Variants in PCDHGA7 observed in about 807,000 individuals in gnomAD.
The protein encoded by PCDHGA7 is protocadherin gamma-A7.
A neutral mutation model predicts 58.3 loss-of-function variants in PCDHGA7; 44 were observed. That is an observed-to-expected ratio of 0.75 (90% confidence interval 0.59 to 0.97). The LOEUF is 0.97. PCDHGA7 is among the 50% of genes least tolerant of loss of function. The pLI is 0.00. For synonymous variants in PCDHGA7, 516 were observed against 504.2 expected (o/e 1.02, Z -0.31); for missense variants, 1,266 against 1,188.7 (o/e 1.06, Z -0.96).
Position 141,405,152 on chromosome 5 carries a change from G to T in PCDHGA7, c.2424+19829G>T, listed in dbSNP as rs550773622. Reference sequence around the variant, plus strand: ...GCGGGCTACCAGTGATGGGTTGGCTGGTGTGCCCACCTCACACTTTGTGGG... The same window carrying T: ...GCGGGCTACCAGTGATGGGTTGGCTTGTGTGCCCACCTCACACTTTGTGGG... On this transcript the variant is annotated intron_variant, in intron 1 of 3. Transcript: ENST00000518325. 180 of 1,613,896 alleles carry T rather than the reference G, an allele frequency of 1.1e-4. 1 individual carries two copies. In the South Asian group the frequency reaches 1.9e-3, roughly 17 times the overall value.
chr5:141,410,295 T>C (rs1043971768), intron 1 of PCDHGA7: 2 of 1,613,982 alleles, frequency 1.2e-6, no homozygotes, highest in East Asian at 2.2e-5. Context: ...GCCTTGGCCT[T>C]AATCTCAGTG....
intron 1 of PCDHGA7, chr5:141,427,278 A>G (rs981860450): frequency 2.2e-6 from 1 of 456,706 alleles, no homozygotes; most frequent in Non-Finnish European, 4.4e-6. Context: ...ATGTAAAATT[A>G]TACTAGAAAT....
At position 141,498,660 on chromosome 5, in the gene PCDHGA7, G is replaced by A. The variant is rs969314533; in HGVS notation, c.2483+3795G>A. Among the ~76,000 whole-genome samples, 11 of 152,192 alleles carry A rather than the reference G, an allele frequency of 7.2e-5. No homozygotes were observed. In the East Asian group the frequency reaches 9.6e-4, roughly 13 times the overall value. ...GAAGGAAGAAGACCTGGCCAGGTGT[G>A]GTGGCTCACGCCTGTAATCCCAGCA... is the stretch of plus-strand genomic sequence containing the variant. On this transcript the variant is annotated intron_variant, in intron 2 of 3. Coordinates refer to ENST00000518325, the MANE Select transcript of PCDHGA7 (RefSeq NM_018920.4).
intron 1 of PCDHGA7, among the ~76,000 whole-genome samples, chr5:141,436,557 A>G (rs1224841336): frequency 6.6e-6 from 1 of 152,218 alleles, no homozygotes; most frequent in Non-Finnish European, 1.5e-5. Flanking sequence ...GAGCTTCAGC[A>G]AAGTAGGAAT....
At chr5:141,502,309 T>G (rs1395136136) in intron 2 of PCDHGA7, among the ~76,000 whole-genome samples, 2 of 152,196 alleles carry the variant, frequency 1.3e-5, no homozygotes, top group Admixed American at 6.5e-5. Flanking sequence ...TTTCCTCTCC[T>G]TTAATCTGGA....
Position 141,494,855 on chromosome 5 carries a change from G to A in PCDHGA7, c.2473G>A (p.Gly825Ser), listed in dbSNP as rs200418116. The A allele has an allele frequency of 4.8e-4, 774 of 1,614,092 alleles. 7 individuals carry two copies. The South Asian group carries it at 5.1e-3, about 11-fold the overall frequency. ...GCGTTTCTCTCAGGCCCAGAGACCC[G>A]GCACCAGCGGGTAGGTGACTGATTC... is the stretch of plus-strand genomic sequence containing the variant. ...DWRFSQAQRP[G>S]TSGSQNGDDT... Residue 825 changes from glycine (G) to serine (S), a missense_variant, in exon 2 of 4, where the codon GGC becomes AGC. Coordinates refer to ENST00000518325, the MANE Select transcript of PCDHGA7 (RefSeq NM_018920.4).
chr5:141,397,194 A>G (rs1362793784), intron 1 of PCDHGA7, among the ~76,000 whole-genome samples: 1 of 152,240 alleles, frequency 6.6e-6, no homozygotes, highest in Admixed American at 6.5e-5. Flanking sequence ...GTACTGTAAA[A>G]GATATGACAT....
chr5:141,385,360 T>C, intron 1 of PCDHGA7, 37 bp downstream of exon 1: 1 of 1,545,774 alleles, frequency 6.5e-7, no homozygotes, highest in South Asian at 1.3e-5. Context: ...ATGAGGAATT[T>C]ATTTGCATGA....
intron 1 of PCDHGA7, chr5:141,442,416 T>A (rs2098323395): frequency 6.6e-6 from 1 of 152,206 alleles, no homozygotes; most frequent in Non-Finnish European, 1.5e-5. Flanking sequence ...CTGAGTGAAC[T>A]TCTTTTTTGA....
intron 1 of PCDHGA7, chr5:141,410,275 C>A: frequency 6.2e-7 from 1 of 1,614,038 alleles, no homozygotes; most frequent in Non-Finnish European, 8.5e-7. Context: ...TGCAGTTTTA[C>A]CTGGTGGTGG....
rs139211149 is a variant in PCDHGA7, at chr5:141,426,067, G to A, written c.2424+40744G>A. Among the ~76,000 whole-genome samples, 5 of 152,328 alleles carry A rather than the reference G, an allele frequency of 3.3e-5. No individual in the cohort carries two copies. The East Asian group carries it at 9.6e-4, about 29-fold the overall frequency. On this transcript the variant is annotated intron_variant, in intron 1 of 3. Coordinates refer to ENST00000518325, the MANE Select transcript of PCDHGA7 (RefSeq NM_018920.4). Reference sequence around the variant, plus strand: ...TGGCCAATGTGCTGCAAGAACTGGAGCCTGGGATCTACCAGGACGATATTC... The same window carrying A: ...TGGCCAATGTGCTGCAAGAACTGGAACCTGGGATCTACCAGGACGATATTC...
chr5:141,428,114 C>T (rs2097111703), intron 1 of PCDHGA7: 1 of 1,607,084 alleles, frequency 6.2e-7, no homozygotes, highest in Admixed American at 1.7e-5. Context: ...TGCAGGCCAT[C>T]GAGCCCGGGC....
chr5:141,410,068 C>T (rs2095353806), intron 1 of PCDHGA7: 1 of 1,612,832 alleles, frequency 6.2e-7, no homozygotes, highest in Non-Finnish European at 8.5e-7. Context: ...TGGGGCTGCG[C>T]ACTGGGGAGG....
chr5:141,421,424 G>T lies in PCDHGA7; in HGVS notation c.2424+36101G>T, dbSNP rs369037131. 2.2e-5 allele frequency: 35 copies of T among 1,613,974 alleles called. No individual in the cohort carries two copies. The African/African-American group carries it at 3.9e-4, about 18-fold the overall frequency. ...CGGGAGCTGGCGAAGCGCGGAGTCC[G>T]CATCGTCTCCAGAGGGAAGACACAG... is the stretch of plus-strand genomic sequence containing the variant. On this transcript the variant is annotated intron_variant, in intron 1 of 3. Transcript: ENST00000518325.
Position 141,389,309 on chromosome 5 carries a change from T to G in PCDHGA7, c.2424+3986T>G, listed in dbSNP as rs763262842. Reference sequence around the variant, plus strand: ...CCTCTATTTCACAAGTCAGGGCTTCTGATCCGGACTTGGGGCCCAACGGCC... The same window carrying G: ...CCTCTATTTCACAAGTCAGGGCTTCGGATCCGGACTTGGGGCCCAACGGCC... On this transcript the variant is annotated intron_variant, in intron 1 of 3. Transcript: ENST00000518325. 8 of 1,614,018 alleles carry G rather than the reference T, an allele frequency of 5.0e-6. No individual in the cohort carries two copies. The South Asian group carries it at 5.5e-5, about 11-fold the overall frequency.
intron 1 of PCDHGA7, among the ~76,000 whole-genome samples, chr5:141,386,748 G>T (rs1033565005): frequency 6.6e-6 from 1 of 152,190 alleles, no homozygotes; most frequent in African/African-American, 2.4e-5. Flanking sequence ...TCCTATGGCA[G>T]AACTACGGTT....
At chr5:141,509,335 G>T (rs113423267) in intron 3 of PCDHGA7, among the ~76,000 whole-genome samples, 106 of 152,262 alleles carry the variant, frequency 7.0e-4, no homozygotes, top group African/African-American at 2.4e-3. Context: ...CTGCCAGCTG[G>T]GCCTGGGCTG....
At chr5:141,434,883 C>T (rs1490696834) in intron 1 of PCDHGA7, among the ~76,000 whole-genome samples, 1 of 151,644 alleles carries the variant, frequency 6.6e-6, no homozygotes, top group Non-Finnish European at 1.5e-5. Context: ...ATACCAACAA[C>T]AATCCAGTCC....
At chr5:141,410,445 T>A in intron 1 of PCDHGA7, 1 of 1,614,060 alleles carries the variant, frequency 6.2e-7, no homozygotes. Flanking sequence ...GAGGGGACTT[T>A]GCCTTATTCT....
Sources: allele counts gnomAD v4.1 joint callset (sites outside exome capture counted in the v4.1 genomes callset), GRCh38; gene constraint gnomAD v4.1.1; transcripts MANE v1.5; gene names NCBI Gene and HGNC (gene_info 2026-07-23, HGNC 2026-07-21).